KCNIP4: variants seen among roughly 807,000 people sequenced by gnomAD.
KCNIP4 encodes Kv channel-interacting protein 4.
KCNIP4 carries 12 observed loss-of-function variants against 34.0 expected under a neutral mutation model. The observed-to-expected ratio is 0.35, with a 90% CI of 0.23 to 0.57. The LOEUF (loss-of-function observed/expected upper bound fraction) is 0.57. Ranked by LOEUF, KCNIP4 falls within the 20% of genes least tolerant of loss-of-function variation. The probability of loss-of-function intolerance (pLI) is 0.83; values close to 1 mark genes in which losing one functional copy is unlikely to be tolerated. For missense variants in KCNIP4, 238 were observed against 311.7 expected (o/e 0.76, Z 1.78); for synonymous variants, 124 against 102.2 (o/e 1.21, Z -1.29).
intron 1 of KCNIP4, among the ~76,000 whole-genome samples, chr4:21,526,801 C>T (rs898265852): frequency 2.0e-5 from 3 of 152,124 alleles, no homozygotes; most frequent in Admixed American, 6.6e-5. Context: ...TATTAAAGAA[C>T]GCTGAGAGCA....
chr4:21,019,149 A>G lies in KCNIP4; in HGVS notation c.62-136440T>C, dbSNP rs142970396. Among the ~76,000 whole-genome samples, 351 of 151,924 alleles carry G rather than the reference A, an allele frequency of 2.3e-3. 1 individual carries two copies. Among genetic ancestry groups the G allele is most frequent in the African/African-American group, 8.0e-3 (332 of 41,432 alleles). ...GTGTGTATCTCTGTCCATATTTTCT[A>G]TTCTTTTTTGTTGTTGTTGTTGTTG... On this transcript the variant is annotated intron_variant, in intron 1 of 8. Coordinates refer to ENST00000382152, the MANE Select transcript of KCNIP4 (RefSeq NM_025221.6).
At chr4:20,951,074 T>C (rs551170266) in intron 1 of KCNIP4, among the ~76,000 whole-genome samples, 1 of 152,148 alleles carries the variant, frequency 6.6e-6, no homozygotes, top group Admixed American at 6.5e-5. Context: ...AGGATTAGTA[T>C]CTTTATAAGA....
rs930918468 is a variant in KCNIP4, at chr4:21,901,922, C to T, written c.61+46649G>A. On this transcript the variant is annotated intron_variant, in intron 1 of 8. Transcript: ENST00000382152. ...ATTGATCTGCCCAAAGACACACCTTCAAAAAGTGTCATGGAATTCCTCAGA... is the reference window on the plus strand; with the variant it reads ...ATTGATCTGCCCAAAGACACACCTTTAAAAAGTGTCATGGAATTCCTCAGA... 2.6e-5 allele frequency among the ~76,000 whole-genome samples: 4 copies of T among 152,238 alleles called. No homozygotes were observed. The South Asian group carries it at 8.3e-4, about 32-fold the overall frequency.
chr4:21,319,540 G>A (rs1714157229), intron 1 of KCNIP4, among the ~76,000 whole-genome samples: 1 of 152,166 alleles, frequency 6.6e-6, no homozygotes, highest in African/African-American at 2.4e-5. Context: ...CCACTGTTAT[G>A]TCTAGGCCCA....
At chr4:20,950,775 A>C (rs1184124796) in intron 1 of KCNIP4, among the ~76,000 whole-genome samples, 1 of 152,148 alleles carries the variant, frequency 6.6e-6, no homozygotes, top group East Asian at 1.9e-4. Flanking sequence ...TTACAAAACC[A>C]ACTTGACTTC....
At chr4:21,317,147 A>T (rs1372696796) in intron 1 of KCNIP4, among the ~76,000 whole-genome samples, 1 of 152,166 alleles carries the variant, frequency 6.6e-6, no homozygotes, top group Non-Finnish European at 1.5e-5. Context: ...CAAAGGGAAA[A>T]CTTGGCAACT....
chr4:20,918,642 T>C (rs1323487392), intron 1 of KCNIP4, among the ~76,000 whole-genome samples: 1 of 152,176 alleles, frequency 6.6e-6, no homozygotes, highest in Non-Finnish European at 1.5e-5. Flanking sequence ...AAGACAACCA[T>C]GTTTCCTATC....
chr4:20,972,422 C>G (rs769295085), intron 1 of KCNIP4, among the ~76,000 whole-genome samples: 4 of 152,122 alleles, frequency 2.6e-5, no homozygotes, highest in Non-Finnish European at 5.9e-5. Flanking sequence ...ATGTTGTGTT[C>G]AGAGGCATAA....
At chr4:20,933,152 G>GA (rs1730658890) in intron 1 of KCNIP4, among the ~76,000 whole-genome samples, 1 of 152,004 alleles carries the variant, frequency 6.6e-6, no homozygotes, top group African/African-American at 2.4e-5. Context: ...GCTGAGACAG[G>GA]AAAATCACCT....
intron 1 of KCNIP4, among the ~76,000 whole-genome samples, chr4:21,000,154 G>A (rs946881570): frequency 6.6e-6 from 1 of 152,080 alleles, no homozygotes; most frequent in Admixed American, 6.6e-5. Flanking sequence ...CTAAGCAGAA[G>A]GATCTGCAGC....
chr4:21,809,387 A>G (rs1294362063), intron 1 of KCNIP4, among the ~76,000 whole-genome samples: 1 of 152,124 alleles, frequency 6.6e-6, no homozygotes, highest in Non-Finnish European at 1.5e-5. Context: ...ATTCAAATTG[A>G]ATTACACCAC....
At chr4:21,585,350 A>G (rs533338158) in intron 1 of KCNIP4, among the ~76,000 whole-genome samples, 36 of 152,232 alleles carry the variant, frequency 2.4e-4, no homozygotes, top group Admixed American at 4.6e-4. Context: ...CACTGAATGA[A>G]TAGAATAATC....
At chr4:20,817,679 T>A (rs1188387304) in intron 3 of KCNIP4, among the ~76,000 whole-genome samples, 2 of 151,996 alleles carry the variant, frequency 1.3e-5, no homozygotes, top group Non-Finnish European at 2.9e-5. Context: ...GAGGATCTTT[T>A]TTTTTTTTCT....
intron 1 of KCNIP4, among the ~76,000 whole-genome samples, chr4:21,238,386 C>A (rs1362129919): frequency 6.6e-6 from 1 of 152,094 alleles, no homozygotes; most frequent in South Asian, 2.1e-4. Flanking sequence ...CCAGGGCAAT[C>A]AGGCAGGAGA....
At chr4:21,324,568 A>G (rs1398251787) in intron 1 of KCNIP4, among the ~76,000 whole-genome samples, 1 of 151,362 alleles carries the variant, frequency 6.6e-6, no homozygotes, top group African/African-American at 2.4e-5. Flanking sequence ...TAGATGTAAG[A>G]ATTTGTTTCT....
chr4:21,222,340 A>C (rs1758041127), intron 1 of KCNIP4, among the ~76,000 whole-genome samples: 1 of 152,212 alleles, frequency 6.6e-6, no homozygotes, highest in Admixed American at 6.5e-5. Context: ...GCATTTGAGT[A>C]AGAGATATTA....
At chr4:21,856,643 C>A (rs11944786) in intron 1 of KCNIP4, among the ~76,000 whole-genome samples, 1 of 151,914 alleles carries the variant, frequency 6.6e-6, no homozygotes, top group South Asian at 2.1e-4. Flanking sequence ...CCCACCTTCC[C>A]GGGCACACCT....
intron 1 of KCNIP4, among the ~76,000 whole-genome samples, chr4:21,612,916 C>G (rs1744272507): frequency 6.6e-6 from 1 of 152,120 alleles, no homozygotes; most frequent in Admixed American, 6.5e-5. Flanking sequence ...AAAAATCTTC[C>G]TTTTAATAGA....
intron 1 of KCNIP4, among the ~76,000 whole-genome samples, chr4:21,124,394 T>G (rs914299392): frequency 1.2e-4 from 19 of 152,168 alleles, no homozygotes; most frequent in African/African-American, 4.6e-4. Context: ...TCTGCTAAAC[T>G]GAGTTTTGAT....
Sources: allele counts gnomAD v4.1 joint callset (sites outside exome capture counted in the v4.1 genomes callset), GRCh38; gene constraint gnomAD v4.1.1; transcripts MANE v1.5; gene names NCBI Gene and HGNC (gene_info 2026-07-23, HGNC 2026-07-21).